CLVS1: variants seen among roughly 807,000 people sequenced by gnomAD.
CLVS1 encodes clavesin 1.
CLVS1 carries 10 observed loss-of-function variants against 33.1 expected under a neutral mutation model. That is an observed-to-expected ratio of 0.30 (90% CI 0.19 to 0.51). CLVS1 has a LOEUF of 0.51. Among genes scored for constraint, CLVS1 ranks in the 20% least tolerant of loss-of-function variants. The probability of loss-of-function intolerance (pLI) is 0.97; values close to 1 mark genes in which losing one functional copy is unlikely to be tolerated. For synonymous variants in CLVS1, 163 were observed against 166.1 expected (o/e 0.98, Z 0.14); for missense variants, 343 against 433.4 (o/e 0.79, Z 1.85).
chr8:61,128,364 C>T (rs1441146759), intron 1 of CLVS1, among the ~76,000 whole-genome samples: 1 of 152,206 alleles, frequency 6.6e-6, no homozygotes, highest in African/African-American at 2.4e-5. Context: ...TTACCTCAGA[C>T]TCTTTGACAG....
At chr8:61,078,104 T>C (rs908048561) in intron 1 of CLVS1, among the ~76,000 whole-genome samples, 1 of 152,124 alleles carries the variant, frequency 6.6e-6, no homozygotes, top group Non-Finnish European at 1.5e-5. Flanking sequence ...TGGGTCAGGA[T>C]CCGAGGCAGG....
chr8:61,472,573 C>G (rs1817769830), intron 5 of CLVS1, among the ~76,000 whole-genome samples: 1 of 152,154 alleles, frequency 6.6e-6, no homozygotes, highest in African/African-American at 2.4e-5. Flanking sequence ...GAAATTGTCT[C>G]TAAGGTTATC....
At chr8:61,432,531 A>C (rs1289553363) in intron 3 of CLVS1, among the ~76,000 whole-genome samples, 1 of 152,222 alleles carries the variant, frequency 6.6e-6, no homozygotes, top group Non-Finnish European at 1.5e-5. Context: ...ACAGACAGCC[A>C]TCTGCAAGCA....
chr8:61,003,987 G>C, the CLVS1 span, among the ~76,000 whole-genome samples: 24 of 152,282 alleles, frequency 1.6e-4, no homozygotes, highest in East Asian at 1.5e-3. Flanking sequence ...TCATTTGAGG[G>C]GGTGGCATTT....
At chr8:61,411,437 A>G (rs1446838311) in intron 3 of CLVS1, among the ~76,000 whole-genome samples, 3 of 152,136 alleles carry the variant, frequency 2.0e-5, no homozygotes, top group Non-Finnish European at 4.4e-5. Context: ...TGGGATAGAG[A>G]GAAGGAGAGA....
At chr8:61,075,078 C>T (rs1328599440) in intron 1 of CLVS1, among the ~76,000 whole-genome samples, 1 of 152,096 alleles carries the variant, frequency 6.6e-6, no homozygotes, top group African/African-American at 2.4e-5. Flanking sequence ...ACACCTCTTC[C>T]GAAGGCAGCA....
chr8:61,464,501 T>A (rs1180107304), intron 5 of CLVS1: 1 of 152,164 alleles, frequency 6.6e-6, no homozygotes, highest in Non-Finnish European at 1.5e-5. Flanking sequence ...CCCAAATAAC[T>A]ATAATGTAGA....
At chr8:61,079,785 T>C (rs1804988714) in intron 1 of CLVS1, among the ~76,000 whole-genome samples, 1 of 121,660 alleles carries the variant, frequency 8.2e-6, no homozygotes, top group Admixed American at 8.3e-5. Context: ...CAAAAAGCCA[T>C]TAGGAAAAAA....
chr8:61,351,572 C>T (rs1395905178), intron 2 of CLVS1, among the ~76,000 whole-genome samples: 5 of 151,738 alleles, frequency 3.3e-5, no homozygotes, highest in African/African-American at 1.2e-4. Flanking sequence ...AAAAAAAATA[C>T]AAACTTACAG....
At chr8:61,345,010 G>A (rs1003071550) in intron 2 of CLVS1, among the ~76,000 whole-genome samples, 3 of 152,144 alleles carry the variant, frequency 2.0e-5, no homozygotes, top group Admixed American at 6.5e-5. Context: ...TGTGGATTTC[G>A]TTGGCTTGGA....
chr8:61,102,304 T>C (rs1180104624), intron 1 of CLVS1, among the ~76,000 whole-genome samples: 1 of 152,228 alleles, frequency 6.6e-6, no homozygotes, highest in Non-Finnish European at 1.5e-5. Context: ...TTTCACGGTA[T>C]AAGTTTTACC....
At chr8:61,392,255 C>T (rs1445180610) in intron 3 of CLVS1, among the ~76,000 whole-genome samples, 1 of 151,850 alleles carries the variant, frequency 6.6e-6, no homozygotes, top group Admixed American at 6.6e-5. Flanking sequence ...TCTCTTGAGA[C>T]AAGGAGTTGG....
chr8:61,382,344 A>G (rs961517040), intron 3 of CLVS1, among the ~76,000 whole-genome samples: 2 of 152,194 alleles, frequency 1.3e-5, no homozygotes, highest in African/African-American at 4.8e-5. Context: ...AACATAAAAT[A>G]TGGGTCAGCT....
rs973698805 is a variant in CLVS1 at position 61,221,818 on chromosome 8, AT to A, written c.-151-77852del. ...AGCTGTGAATCCATCTAATCCTGGG[AT>A]TTTTTTGGTTGGTAGGTTGTCAATT... On this transcript the variant is annotated intron_variant, in intron 2 of 2. Transcript: ENST00000522621. Among the ~76,000 whole-genome samples, 8 of 151,796 alleles carry A rather than the reference AT, an allele frequency of 5.3e-5. No homozygotes were observed. In the South Asian group the frequency reaches 1.5e-3, roughly 28 times the overall value.
At chr8:61,294,825 C>A (rs557629971) in intron 1 of CLVS1, among the ~76,000 whole-genome samples, 24 of 152,192 alleles carry the variant, frequency 1.6e-4, no homozygotes, top group African/African-American at 5.5e-4. Flanking sequence ...TTTGAATTAT[C>A]ATAGTTTTCT....
At chr8:61,384,246 A>G (rs1276728888) in intron 3 of CLVS1, among the ~76,000 whole-genome samples, 2 of 152,192 alleles carry the variant, frequency 1.3e-5, no homozygotes, top group Non-Finnish European at 2.9e-5. Context: ...CCCCTGCACC[A>G]TGCTAAGGAG....
intron 2 of CLVS1, among the ~76,000 whole-genome samples, chr8:61,373,949 C>T (rs947681854): frequency 3.3e-5 from 5 of 152,182 alleles, no homozygotes; most frequent in Admixed American, 3.3e-4. Flanking sequence ...GTTCACAGTT[C>T]AGCATGCTGG....
chr8:61,233,453 A>G (rs1046282749), intron 2 of CLVS1, among the ~76,000 whole-genome samples: 1 of 151,792 alleles, frequency 6.6e-6, no homozygotes, highest in Non-Finnish European at 1.5e-5. Flanking sequence ...GTGAAGTCTC[A>G]GAAAGAACCC....
At chr8:61,497,009 A>G (rs1804289337) in intron 5 of CLVS1, among the ~76,000 whole-genome samples, 2 of 152,242 alleles carry the variant, frequency 1.3e-5, no homozygotes, top group Admixed American at 6.5e-5. Context: ...GTCAATGTAA[A>G]TACATGTTAA....
Sources: gnomAD v4.1 joint callset for allele counts (sites outside exome capture counted in the v4.1 genomes callset) on GRCh38, gnomAD v4.1.1 for gene constraint, MANE v1.5 for transcripts, NCBI Gene and HGNC (gene_info 2026-07-23, HGNC 2026-07-21) for gene names.